The following TRIM33 variants were observed in gnomAD, a reference collection of about 807,000 sequenced individuals.
The protein encoded by TRIM33 is E3 ubiquitin-protein ligase TRIM33.
In TRIM33, 20 loss-of-function variants were observed where a neutral mutation model predicts 125.4. That is an observed-to-expected ratio of 0.16 (90% CI 0.11 to 0.23). The LOEUF (loss-of-function observed/expected upper bound fraction) is 0.23, where lower values mean the gene tolerates loss of function less well. Ranked by LOEUF, TRIM33 falls within the 10% of genes least tolerant of loss-of-function variation. The pLI is 1.00. For synonymous variants in TRIM33, 564 were observed against 513.9 expected (o/e 1.10, Z -1.32); for missense variants, 920 against 1,411.4 (o/e 0.65, Z 5.58).
At chr1:114,398,738 A>G (rs1651688851) in intron 18 of TRIM33, among the ~76,000 whole-genome samples, 1 of 151,994 alleles carries the variant, frequency 6.6e-6, no homozygotes, top group Admixed American at 6.6e-5. Context: ...TAATCTTTTA[A>G]AAGATTTTGT....
At chr1:114,413,628 TAAAA>T (rs34538412) in intron 11 of TRIM33, among the ~76,000 whole-genome samples, 3 of 50,856 alleles carry the variant, frequency 5.9e-5, no homozygotes, top group African/African-American at 1.7e-4. Flanking sequence ...AGCAAAACTG[TAAAA>T]AAAAAAAAAA....
At position 114,394,255 on chromosome 1, in the gene TRIM33, C is replaced by A; in HGVS notation, c.*3393G>T. 1 of 229,050 alleles carries A rather than the reference C, an allele frequency of 4.4e-6. No homozygotes were observed. The highest frequency in any genetic ancestry group is 8.7e-6 in the Non-Finnish European group (1 of 115,198). The allele number at this position is 229,050 out of a possible 1,614,324, so 14.2% of individuals were successfully genotyped here. A position where few individuals can be genotyped will look rare whatever the true frequency, so the allele number is the denominator to read the frequency against. ...CAAGAAATGAGATTTTTATATTTCA[C>A]ATGTTGTACATGAATGGGGGTGGAT... On this transcript the variant is annotated 3_prime_UTR_variant, in exon 20 of 20. Coordinates refer to ENST00000358465, the MANE Select transcript of TRIM33 (RefSeq NM_015906.4).
At chr1:114,499,769 A>C (rs189761701) in intron 1 of TRIM33, among the ~76,000 whole-genome samples, 8 of 152,348 alleles carry the variant, frequency 5.3e-5, no homozygotes, top group Non-Finnish European at 1.2e-4. Context: ...CACCACCCAC[A>C]ACAAATGAGC....
intron 1 of TRIM33, among the ~76,000 whole-genome samples, chr1:114,495,851 T>C (rs1173701605): frequency 6.6e-6 from 1 of 152,214 alleles, no homozygotes; most frequent in Non-Finnish European, 1.5e-5. Flanking sequence ...TTTTGAACCA[T>C]ATTTCAACAA....
chr1:114,413,572 A>G (rs1557849160), intron 11 of TRIM33, among the ~76,000 whole-genome samples: 3 of 120,564 alleles, frequency 2.5e-5, no homozygotes, highest in Non-Finnish European at 3.4e-5. Flanking sequence ...AAAAAAAAAA[A>G]AGAAAAGAAA....
intron 11 of TRIM33, among the ~76,000 whole-genome samples, chr1:114,418,499 T>C (rs1434033975): frequency 3.3e-5 from 5 of 152,158 alleles, no homozygotes; most frequent in Non-Finnish European, 5.9e-5. Context: ...ATTTAGTTTA[T>C]GGTTTACATA....
intron 1 of TRIM33, among the ~76,000 whole-genome samples, chr1:114,499,635 G>A (rs1652590341): frequency 6.6e-6 from 1 of 152,114 alleles, no homozygotes; most frequent in Non-Finnish European, 1.5e-5. Context: ...TTCTGTGTTG[G>A]TGGCACCTGA....
intron 1 of TRIM33, among the ~76,000 whole-genome samples, chr1:114,471,649 A>G (rs1336224734): frequency 6.6e-6 from 1 of 152,178 alleles, no homozygotes; most frequent in African/African-American, 2.4e-5. Context: ...CAAAAAGGTA[A>G]AACAAAAACA....
chr1:114,487,620 G>A (rs368952040), intron 1 of TRIM33, among the ~76,000 whole-genome samples: 8 of 152,018 alleles, frequency 5.3e-5, no homozygotes, highest in African/African-American at 1.4e-4. Context: ...TAAATAGGCC[G>A]GGCGCGGTGG....
chr1:114,463,362 G>A (rs1327852284), intron 3 of TRIM33, 50 bp downstream of exon 3: 1 of 1,570,422 alleles, frequency 6.4e-7, no homozygotes, highest in Non-Finnish European at 8.7e-7. Flanking sequence ...AGGGGCAAAA[G>A]AAGGAGGTTA....
Position 114,397,620 on chromosome 1 carries a change from T to TTAAAAAATTTTTTTA in TRIM33, c.*27_*28insTAAAAAAATTTTTTA. Reference sequence around the variant, plus strand: ...TTTTTTTTTTTCGTTTTTTTTTTTTTAAACAATTGATTTAAATCCATGTCA... The same window carrying TTAAAAAATTTTTTTA: ...TTTTTTTTTTTCGTTTTTTTTTTTTTTAAAAAATTTTTTTAAAACAATTGATTTAAATCCATGTCA... On this transcript the variant is annotated 3_prime_UTR_variant, in exon 20 of 20. Coordinates refer to ENST00000358465, the MANE Select transcript of TRIM33 (RefSeq NM_015906.4). The TTAAAAAATTTTTTTA allele has an allele frequency of 8.4e-7, 1 of 1,197,246 alleles. No homozygotes were observed. The highest frequency in any genetic ancestry group is 1.2e-6 in the Non-Finnish European group (1 of 840,724). The allele number at this position is 1,197,246 out of a possible 1,614,324, so 74.2% of individuals were successfully genotyped here.
Position 114,394,122 on chromosome 1 carries a change from G to A in TRIM33, c.*3526C>T, listed in dbSNP as rs1455156607. On this transcript the variant is annotated 3_prime_UTR_variant, in exon 20 of 20. Transcript: ENST00000358465. ...ATGGTACAGAAATTAAGAATTCATGGTATGAATTAAGAATCTGTTTTAACT... is the reference window on the plus strand; with the variant it reads ...ATGGTACAGAAATTAAGAATTCATGATATGAATTAAGAATCTGTTTTAACT... 1 of 228,658 alleles carries A rather than the reference G, an allele frequency of 4.4e-6. No individual in the cohort carries two copies. The highest frequency in any genetic ancestry group is 2.2e-5 in the African/African-American group (1 of 45,064). 14.2% of individuals were successfully genotyped at this position (228,658 alleles called of 1,614,324 possible).
intron 15 of TRIM33, among the ~76,000 whole-genome samples, chr1:114,403,841 A>C (rs1652059416): frequency 6.6e-6 from 1 of 151,636 alleles, no homozygotes; most frequent in Admixed American, 6.6e-5. Flanking sequence ...TTGTATTTTT[A>C]GTAGAGATTG....
At chr1:114,482,411 A>C (rs1213975750) in intron 1 of TRIM33, among the ~76,000 whole-genome samples, 1 of 152,234 alleles carries the variant, frequency 6.6e-6, no homozygotes, top group African/African-American at 2.4e-5. Flanking sequence ...AACGAAACTC[A>C]AAGCTGGTTC....
At chr1:114,470,102 T>C (rs1280163450) in intron 1 of TRIM33, among the ~76,000 whole-genome samples, 2 of 152,218 alleles carry the variant, frequency 1.3e-5, no homozygotes, top group African/African-American at 4.8e-5. Flanking sequence ...ATAAACTAAG[T>C]ATAACTAATA....
rs116779168 is a variant in TRIM33 at position 114,432,203 on chromosome 1, A to G, written c.1041-1291T>C. Among the ~76,000 whole-genome samples the G allele has an allele frequency of 1.4e-3, 209 of 152,314 alleles. 2 individuals are homozygous for G. The highest frequency in any genetic ancestry group is 4.8e-3 in the African/African-American group (200 of 41,566). ...CCTCTTGCCCTACTTTTGTATACAG[A>G]TTCTGGAACACGTGTACAAAATATA... On this transcript the variant is annotated intron_variant, in intron 5 of 19. Coordinates refer to ENST00000358465, the MANE Select transcript of TRIM33 (RefSeq NM_015906.4).
chr1:114,440,809 G>A (rs576667158), intron 4 of TRIM33, among the ~76,000 whole-genome samples: 1 of 152,226 alleles, frequency 6.6e-6, no homozygotes, highest in African/African-American at 2.4e-5. Flanking sequence ...ATTGAGGGGA[G>A]TCTAACATAC....
At chr1:114,435,895 T>A (rs1393495053) in intron 4 of TRIM33, among the ~76,000 whole-genome samples, 8 of 140,124 alleles carry the variant, frequency 5.7e-5, no homozygotes, top group Non-Finnish European at 4.7e-5. Flanking sequence ...TTTTTTTTTT[T>A]TTTTTTTTTT....
chr1:114,489,479 C>G (rs936224787), intron 1 of TRIM33, among the ~76,000 whole-genome samples: 4 of 152,178 alleles, frequency 2.6e-5, no homozygotes, highest in Non-Finnish European at 5.9e-5. Context: ...TGCAGTGGCT[C>G]ACACCTCTAA....
Sources: allele counts gnomAD v4.1 joint callset (sites outside exome capture counted in the v4.1 genomes callset), GRCh38; gene constraint gnomAD v4.1.1; transcripts MANE v1.5; gene names NCBI Gene and HGNC (gene_info 2026-07-23, HGNC 2026-07-21).